Variants in CREBBP observed in about 807,000 individuals in gnomAD.
CREBBP encodes the protein CREB-binding protein.
Under a neutral mutation model 265.0 loss-of-function variants are expected in CREBBP, and 19 were observed. The observed-to-expected ratio is 0.07, with a 90% CI of 0.05 to 0.11. The LOEUF is 0.11. CREBBP is among the 10% of genes least tolerant of loss of function. The pLI is 1.00. For missense variants in CREBBP, 2,525 were observed against 3,219.0 expected (o/e 0.78, Z 5.22); for synonymous variants, 1,457 against 1,223.7 (o/e 1.19, Z -3.98).
At chr16:3,873,610 C>T (rs1367728643) in intron 1 of CREBBP, among the ~76,000 whole-genome samples, 1 of 152,150 alleles carries the variant, frequency 6.6e-6, no homozygotes, top group African/African-American at 2.4e-5. Context: ...GCGGATATGC[C>T]AGACACACAT....
Position 3,774,620 on chromosome 16 carries a change from G to A in CREBBP, c.2232C>T (p.Ala744=), listed in dbSNP as rs2141219760. The stretch of plus-strand genomic sequence containing the variant: ...TCTGGACAGAGTGGTTCATTGGGGA[G>A]GCTGCACGAGGTCCCATGGGTGCTT... The part of the protein sequence containing the change: ...LPQAPMGPRA[A]SPMNHSVQMN... Residue 744 remains alanine, a synonymous_variant, in exon 12 of 31, where the codon GCC becomes GCT. Transcript: ENST00000262367. The A allele has an allele frequency of 2.5e-6, 4 of 1,614,196 alleles. No individual in the cohort carries two copies. Among genetic ancestry groups the A allele is most frequent in the Non-Finnish European group, 3.4e-6 (4 of 1,180,054 alleles).
At chr16:3,787,682 C>T (rs1281644633) in intron 5 of CREBBP, among the ~76,000 whole-genome samples, 2 of 151,380 alleles carry the variant, frequency 1.3e-5, no homozygotes, top group Admixed American at 6.6e-5. Context: ...TTGTTTGAGA[C>T]GTAGTCTTGC....
rs1400144901 is a variant in CREBBP at position 3,731,168 on chromosome 16, G to C, written c.5172+24C>G. On this transcript the variant is annotated intron_variant, in intron 30 of 30. Coordinates refer to ENST00000262367, the MANE Select transcript of CREBBP (RefSeq NM_004380.3). The surrounding 1 kb of genome is among the most constrained non-coding windows in gnomAD (Gnocchi z 7.7). ...CGTCAGACCCCAGGCCGGCTGTGGGGGTGGGGGTGGGGGCAGGGCCTACCT... is the reference window on the plus strand; with the variant it reads ...CGTCAGACCCCAGGCCGGCTGTGGGCGTGGGGGTGGGGGCAGGGCCTACCT... 1.2e-5 allele frequency: 20 copies of C among 1,603,124 alleles called. No homozygotes were observed. Among genetic ancestry groups the C allele is most frequent in the Non-Finnish European group, 1.7e-5 (20 of 1,173,238 alleles).
At chr16:3,734,130 G>A (rs1376954815) in intron 28 of CREBBP, among the ~76,000 whole-genome samples, 1 of 152,126 alleles carries the variant, frequency 6.6e-6, no homozygotes, top group Non-Finnish European at 1.5e-5. Context: ...ACTGCACACA[G>A]GGAGCTGGTT....
At chr16:3,789,622 G>A (rs1001622407) in intron 5 of CREBBP, among the ~76,000 whole-genome samples, 5 of 152,002 alleles carry the variant, frequency 3.3e-5, no homozygotes, top group South Asian at 2.1e-4. Flanking sequence ...GTTCACACAC[G>A]ATAAGCATAA....
At chr16:3,752,145 C>A (rs758846287) in intron 19 of CREBBP, among the ~76,000 whole-genome samples, 1 of 152,142 alleles carries the variant, frequency 6.6e-6, no homozygotes, top group African/African-American at 2.4e-5. Context: ...CTCGGTCCGG[C>A]TCCAAGAGGC....
At chr16:3,792,124 T>C in intron 4 of CREBBP, 30 bp from the exon 5 acceptor site, 2 of 1,534,850 alleles carry the variant, frequency 1.3e-6, no homozygotes. Flanking sequence ...GAGATGTTAT[T>C]TTTCTATCCA....
chr16:3,792,692 A>AG (rs1276489877), intron 4 of CREBBP, among the ~76,000 whole-genome samples: 3 of 152,258 alleles, frequency 2.0e-5, no homozygotes, highest in Admixed American at 1.3e-4. Flanking sequence ...CGGGGAGACC[A>AG]GGGGGAGATT....
intron 8 of CREBBP, 63 bp from the exon 9 acceptor site, chr16:3,778,880 G>T: frequency 6.9e-7 from 1 of 1,456,156 alleles, no homozygotes; most frequent in Non-Finnish European, 9.6e-7. Flanking sequence ...AAGACATGGG[G>T]TTTCGTCCAG....
rs182555746 is a variant in CREBBP at position 3,837,047 on chromosome 16, A to G, written c.798+13250T>C. Among the ~76,000 whole-genome samples, 490 of 152,350 alleles carry G rather than the reference A, an allele frequency of 3.2e-3. 2 individuals carry two copies. Among genetic ancestry groups the G allele is most frequent in the Non-Finnish European group, 5.8e-3 (395 of 68,028 alleles). On this transcript the variant is annotated intron_variant, in intron 2 of 30. Coordinates refer to ENST00000262367, the MANE Select transcript of CREBBP (RefSeq NM_004380.3). The stretch of plus-strand genomic sequence containing the variant: ...GGTTTATGTATTTACTACACTTATT[A>G]GAGTATAATCCTTCTACTTTTTCTT...
chr16:3,840,125 C>A (rs892174341), intron 2 of CREBBP, among the ~76,000 whole-genome samples: 1 of 152,166 alleles, frequency 6.6e-6, no homozygotes, highest in Admixed American at 6.5e-5. Context: ...TTGTTGTGAT[C>A]TTTTAAGAGG....
intron 14 of CREBBP, 130 bp downstream of exon 14, chr16:3,770,440 C>A: frequency 9.8e-7 from 1 of 1,020,378 alleles, no homozygotes; most frequent in Non-Finnish European, 1.5e-6. Flanking sequence ...AAGTGATTCT[C>A]CCACCTTGGC....
intron 3 of CREBBP, among the ~76,000 whole-genome samples, chr16:3,806,416 C>G (rs2053831493): frequency 6.6e-6 from 1 of 151,644 alleles, no homozygotes; most frequent in South Asian, 2.1e-4. Flanking sequence ...TCTCCTGCAT[C>G]TCAACTTTAA....
At position 3,769,367 on chromosome 16, in the gene CREBBP, G is replaced by A. The variant is rs779380769; in HGVS notation, c.2881-14C>T. The A allele has an allele frequency of 1.9e-5, 31 of 1,614,002 alleles. No homozygotes were observed. Among genetic ancestry groups the A allele is most frequent in the Middle Eastern group, 3.3e-4 (2 of 6,084 alleles). ...TGCCTGGGAAAGCTGTGAAAAAACC[G>A]AAAGCACTGACTTCAGTAAGCAAGG... is the stretch of plus-strand genomic sequence containing the variant. On this transcript the variant is annotated splice_polypyrimidine_tract_variant and intron_variant, in intron 14 of 30. Transcript: ENST00000262367.
chr16:3,808,826 G>C (rs144860266), intron 3 of CREBBP, among the ~76,000 whole-genome samples: 108 of 152,296 alleles, frequency 7.1e-4, no homozygotes, highest in African/African-American at 2.6e-3. Flanking sequence ...TTACTGAGCA[G>C]GCATAATCGA....
intron 21 of CREBBP, among the ~76,000 whole-genome samples, chr16:3,748,274 C>T (rs2151363042): frequency 6.7e-6 from 1 of 149,336 alleles, no homozygotes; most frequent in South Asian, 2.1e-4. Context: ...CAAGACTTGT[C>T]TCAGGGGGAA....
At chr16:3,807,786 G>T (rs1361400334) in intron 3 of CREBBP, among the ~76,000 whole-genome samples, 1 of 152,164 alleles carries the variant, frequency 6.6e-6, no homozygotes, top group Non-Finnish European at 1.5e-5. Context: ...AGATGTTGGG[G>T]AGACCATGTG....
At chr16:3,870,116 T>C (rs1257152540) in intron 1 of CREBBP, among the ~76,000 whole-genome samples, 1 of 152,170 alleles carries the variant, frequency 6.6e-6, no homozygotes, top group African/African-American at 2.4e-5. Context: ...GGAAAAATTT[T>C]GTCCACCACG....
chr16:3,842,701 A>C (rs1440292021), intron 2 of CREBBP, among the ~76,000 whole-genome samples: 3 of 152,140 alleles, frequency 2.0e-5, no homozygotes, highest in African/African-American at 7.2e-5. Context: ...ACGGTGGCTC[A>C]TGCCTGTAAC....
Sources: allele counts gnomAD v4.1 joint callset (sites outside exome capture counted in the v4.1 genomes callset), GRCh38; gene constraint gnomAD v4.1.1; non-coding constraint Gnocchi (gnomAD v3.1); transcripts MANE v1.5; gene names NCBI Gene and HGNC (gene_info 2026-07-23, HGNC 2026-07-21).